COL1A1: variants seen among roughly 807,000 people sequenced by gnomAD.
COL1A1 encodes the protein collagen type I alpha 1 chain, also known as collagen alpha-1(I) chain.
In COL1A1, 21 loss-of-function variants were observed where a neutral mutation model predicts 195.7. The observed-to-expected ratio is 0.11, with a 90% CI of 0.08 to 0.15. The LOEUF (loss-of-function observed/expected upper bound fraction) is 0.15. COL1A1 is among the 10% of genes least tolerant of loss of function. The pLI is 1.00. For synonymous variants in COL1A1, 749 were observed against 747.3 expected (o/e 1.00, Z -0.04); for missense variants, 1,365 against 2,051.0 (o/e 0.67, Z 6.46).
chr17:50,187,619 G>A, intron 45 of COL1A1, 82 bp from the exon 46 acceptor site: 2 of 1,454,124 alleles, frequency 1.4e-6, no homozygotes, highest in South Asian at 2.3e-5. Flanking sequence ...GACAAGGGCA[G>A]TGTGGGCAAC....
In COL1A1 at chr17:50,185,999, A is replaced by G. The variant is rs1598284447; in HGVS notation, c.4027T>C (p.Ser1343Pro). ...GFQFEYGGQG[S>P]DPADVAIQLT... The stretch of plus-strand genomic sequence containing the variant: ...TGGATGGCCACATCGGCAGGGTCGG[A>G]GCCCTGGCCGCCATACTCGAACTGC... The change falls in exon 50 of 51, where the codon TCC becomes CCC. Residue 1343 changes from serine to proline, a missense_variant. Around this residue, in one of 5 missense-constraint regions of COL1A1, gnomAD observed 273 missense variants for 338.6 expected, o/e 0.81. Transcript: ENST00000225964. 1 of 1,612,294 alleles carries G rather than the reference A, an allele frequency of 6.2e-7. No individual in the cohort carries two copies. The highest frequency in any genetic ancestry group is 8.5e-7 in the Non-Finnish European group (1 of 1,179,834).
rs375840298 is a variant in COL1A1, at chr17:50,191,777, G to A, written c.2127+11C>T. On this transcript the variant is annotated intron_variant, in intron 31 of 50. Coordinates refer to ENST00000225964, the MANE Select transcript of COL1A1 (RefSeq NM_000088.4). ...GGCCACTTGCCAGAGCCCCTTCCAC[G>A]CTGCCCTCACCTTAGCACCATCGTT... 17 of 1,566,674 alleles carry A rather than the reference G, an allele frequency of 1.1e-5. No individual in the cohort carries two copies. The highest frequency in any genetic ancestry group is 2.3e-5 in the South Asian group (2 of 85,676).
chr17:50,190,070 A>G lies in COL1A1; in HGVS notation c.2490T>C (p.Gly830=). Residue 830 remains glycine (G), a synonymous_variant, in exon 36 of 51, where the codon GGT becomes GGC. Coordinates refer to ENST00000225964, the MANE Select transcript of COL1A1 (RefSeq NM_000088.4). The surrounding 1 kb of genome is among the most constrained non-coding windows in gnomAD (Gnocchi z 4.7). The stretch of plus-strand genomic sequence containing the variant: ...CAGCATCGCCTTTAGCACCAGCATC[A>G]CCAGGTTCGCCTTTAGCACCAGGTT... ...DGQPGAKGEP[G]DAGAKGDAGP... 4 of 1,612,568 alleles carry G rather than the reference A, an allele frequency of 2.5e-6. No homozygotes were observed. The highest frequency in any genetic ancestry group is 3.4e-6 in the Non-Finnish European group (4 of 1,179,618).
At position 50,199,855 on chromosome 17, in the gene COL1A1, C is replaced by T. The variant is rs1240249424; in HGVS notation, c.196G>A (p.Gly66Ser). 2 of 1,614,178 alleles carry T rather than the reference C, an allele frequency of 1.2e-6. No homozygotes were observed. The highest frequency in any genetic ancestry group is 1.1e-5 in the South Asian group (1 of 91,082). The change falls in exon 2 of 51, where the codon GGC becomes AGC. Residue 66 changes from glycine to serine, a missense_variant. By Grantham distance (56) the Gly-to-Ser change is moderately conservative. Around this residue, in one of 5 missense-constraint regions of COL1A1, gnomAD observed 194 missense variants for 221.7 expected, o/e 0.88. Coordinates refer to ENST00000225964, the MANE Select transcript of COL1A1 (RefSeq NM_000088.4). ...EPCRICVCDN[G>S]KVLCDDVICD... ...ATCACGTCATCGCACAACACCTTGC[C>T]GTTGTCGCAGACGCAGATCCGGCAG...
rs886053154 is a variant in COL1A1 at position 50,185,250 on chromosome 17, AT to A, written c.*251del. On this transcript the variant is annotated 3_prime_UTR_variant, in exon 51 of 51. Coordinates refer to ENST00000225964, the MANE Select transcript of COL1A1 (RefSeq NM_000088.4). ...AGCTTCCTTTTTTAAAAAGTTATTT[AT>A]TTATTCTTTTTTTTTTTTTTTTTTT... 2 of 341,342 alleles carry A rather than the reference AT, an allele frequency of 5.9e-6. No individual in the cohort carries two copies. The highest frequency in any genetic ancestry group is 8.8e-5 in the African/African-American group (2 of 22,748). The allele number at this position is 341,342 out of a possible 1,614,324, so 21.1% of individuals were successfully genotyped here. A position where few individuals can be genotyped will look rare whatever the true frequency, so the allele number is the denominator to read the frequency against.
In COL1A1 at chr17:50,185,654, G is replaced by A. The variant is rs1906437070; in HGVS notation, c.4249-6C>T. Reference sequence around the variant, plus strand: ...CCCCAGGCTCCGGTGTGACTCTGGGGTGGGGCGGAGACAACGGGAGGGGGC... The same window carrying A: ...CCCCAGGCTCCGGTGTGACTCTGGGATGGGGCGGAGACAACGGGAGGGGGC... On this transcript the variant is annotated splice_region_variant and splice_polypyrimidine_tract_variant and intron_variant, in intron 50 of 50. Coordinates refer to ENST00000225964, the MANE Select transcript of COL1A1 (RefSeq NM_000088.4). 6.2e-7 allele frequency: 1 copy of A among 1,613,454 alleles called. No individual in the cohort carries two copies.
chr17:50,196,586 G>A (rs373725675), intron 12 of COL1A1, 31 bp downstream of exon 12: 6 of 1,613,994 alleles, frequency 3.7e-6, no homozygotes, highest in South Asian at 1.1e-5. Context: ...CTGGGGATGT[G>A]GAGGACCATG....
At position 50,197,930 on chromosome 17, in the gene COL1A1, C is replaced by G. The variant is rs1331207381; in HGVS notation, c.642+19G>C. ...GTGTGTTTGTAGAAGGAGTATGAAT[C>G]TGTATAGAGAGTGCTTACTGAAGCT... is the stretch of plus-strand genomic sequence containing the variant. On this transcript the variant is annotated intron_variant, in intron 8 of 50. Coordinates refer to ENST00000225964, the MANE Select transcript of COL1A1 (RefSeq NM_000088.4). 4 of 1,613,374 alleles carry G rather than the reference C, an allele frequency of 2.5e-6. No individual in the cohort carries two copies. Among genetic ancestry groups the G allele is most frequent in the Admixed American group, 1.7e-5 (1 of 59,994 alleles).
At chr17:50,192,719 C>A (rs781543878) in intron 27 of COL1A1, 26 bp from the exon 28 acceptor site, 2 of 1,613,884 alleles carry the variant, frequency 1.2e-6, no homozygotes, top group Non-Finnish European at 1.7e-6. Flanking sequence ...ACTACAGTCA[C>A]GGGGAGGCCG....
chr17:50,194,516 GGAA>G lies in COL1A1; in HGVS notation c.1515+54_1515+56del. On this transcript the variant is annotated intron_variant, in intron 22 of 50. Coordinates refer to ENST00000225964, the MANE Select transcript of COL1A1 (RefSeq NM_000088.4). This position sits in a 1 kb window ranked among gnomAD's most constrained non-coding sequence, Gnocchi z 6.8. ...TGGCTCTTTGCCACGGGCCAAAAGA[GGAA>G]GAAGATGCCCAGGGAGCGGCAGGGT... The G allele has an allele frequency of 1.2e-6, 2 of 1,612,794 alleles. No individual in the cohort carries two copies. The highest frequency in any genetic ancestry group is 2.2e-5 in the South Asian group (2 of 91,030).
At chr17:50,200,243 A>G in intron 1 of COL1A1, 1 of 470,748 alleles carries the variant, frequency 2.1e-6, no homozygotes, top group Non-Finnish European at 3.9e-6. Flanking sequence ...CAAGTGAAAT[A>G]AAAACCACAG....
chr17:50,191,557 C>A, intron 31 of COL1A1, 67 bp from the exon 32 acceptor site: 1 of 1,434,206 alleles, frequency 7.0e-7, no homozygotes, highest in Admixed American at 1.7e-5. Context: ...GCCCTAAGCC[C>A]CGCTTGGTAT....
rs770506745 is a variant in COL1A1, at chr17:50,192,486, G to A, written c.1972C>T (p.Pro658Ser). 2 of 1,612,830 alleles carry A rather than the reference G, an allele frequency of 1.2e-6. No individual in the cohort carries two copies. Among genetic ancestry groups the A allele is most frequent in the Admixed American group, 3.3e-5 (2 of 59,802 alleles). The change falls in exon 29 of 51, where the codon CCT becomes TCT. Residue 658 changes from proline (P) to serine (S), a missense_variant. Coordinates refer to ENST00000225964, the MANE Select transcript of COL1A1 (RefSeq NM_000088.4). ...CTGCTCCCTCTTACCTGTTCACCAG[G>A]TTTGCCTGCTTCACCTGGAGGACCA... is the stretch of plus-strand genomic sequence containing the variant. ...PAGPPGEAGK[P>S]GEQGVPGDLG...
intron 9 of COL1A1, among the ~76,000 whole-genome samples, 170 bp downstream of exon 9, chr17:50,197,562 A>C (rs1012481046): frequency 6.6e-6 from 1 of 152,184 alleles, no homozygotes; most frequent in Non-Finnish European, 1.5e-5. Flanking sequence ...GGGGACATGG[A>C]ATCATCTCAC....
At position 50,192,701 on chromosome 17, in the gene COL1A1, G is replaced by A. The variant is rs1329959391; in HGVS notation, c.1876-8C>T. ...TCTCTCGCCAGCGGGACCCTGCACA[G>A]AGAGAACACTACAGTCACGGGGAGG... On this transcript the variant is annotated splice_polypyrimidine_tract_variant and splice_region_variant and intron_variant, in intron 27 of 50. Coordinates refer to ENST00000225964, the MANE Select transcript of COL1A1 (RefSeq NM_000088.4). 5.0e-6 allele frequency: 8 copies of A among 1,614,042 alleles called. No homozygotes were observed. Among genetic ancestry groups the A allele is most frequent in the Non-Finnish European group, 6.8e-6 (8 of 1,180,028 alleles).
At position 50,192,636 on chromosome 17, in the gene COL1A1, T is replaced by G. The variant is rs376244140; in HGVS notation, c.1929+4A>C. On this transcript the variant is annotated splice_donor_region_variant and intron_variant, in intron 28 of 50. Coordinates refer to ENST00000225964, the MANE Select transcript of COL1A1 (RefSeq NM_000088.4). The stretch of plus-strand genomic sequence containing the variant: ...CCAGCATCCTGACAGCCATGAGGCC[T>G]CACCTGGAATCCGGGGGAGCCAGCA... 1.4e-5 allele frequency: 22 copies of G among 1,614,080 alleles called. No individual in the cohort carries two copies. The highest frequency in any genetic ancestry group is 1.7e-5 in the Non-Finnish European group (20 of 1,180,038).
rs1164317349 is a variant in COL1A1 at position 50,194,191 on chromosome 17, G to T, written c.1615-8C>A. On this transcript the variant is annotated splice_region_variant and splice_polypyrimidine_tract_variant and intron_variant, in intron 23 of 50. Coordinates refer to ENST00000225964, the MANE Select transcript of COL1A1 (RefSeq NM_000088.4). The surrounding 1 kb of genome is among the most constrained non-coding windows in gnomAD (Gnocchi z 6.8). Reference sequence around the variant, plus strand: ...AGGGCTTCCAGTCAGACCCTAGGGAGGCAGAGAGGTATGAGTGGGACTTGG... The same window carrying T: ...AGGGCTTCCAGTCAGACCCTAGGGATGCAGAGAGGTATGAGTGGGACTTGG... 1 of 1,613,538 alleles carries T rather than the reference G, an allele frequency of 6.2e-7. No individual in the cohort carries two copies. The highest frequency in any genetic ancestry group is 1.1e-5 in the South Asian group (1 of 91,046).
Position 50,189,881 on chromosome 17 carries a change from G to C in COL1A1, c.2591C>G (p.Ala864Gly). 6.2e-7 allele frequency: 1 copy of C among 1,611,450 alleles called. No homozygotes were observed. The highest frequency in any genetic ancestry group is 1.1e-5 in the South Asian group (1 of 90,790). ...GNVGAPGAKG[A>G]RGSAGPPGAT... ...CACAGGGGGACCAGCGCTGCCGCGA[G>C]CACCTTTGGCTCCAGGAGCACCAAC... The change falls in exon 37 of 51, where the codon GCT (alanine) becomes GGT (glycine). Residue 864 changes from alanine to glycine, a missense_variant. Physicochemically the swap from Ala to Gly is moderately conservative, Grantham distance 60. Coordinates refer to ENST00000225964, the MANE Select transcript of COL1A1 (RefSeq NM_000088.4). This position sits in a 1 kb window ranked among gnomAD's most constrained non-coding sequence, Gnocchi z 5.5.
Position 50,191,811 on chromosome 17 carries a change from C to T in COL1A1, c.2104G>A (p.Ala702Thr). The change falls in exon 31 of 51, where the codon GCT becomes ACT. Residue 702 changes from alanine (A) to threonine (T), a missense_variant. Ala to Thr is a moderately conservative substitution (Grantham distance 58). Transcript: ENST00000225964. Reference protein sequence around the residue: ...GPAGPRGANGAPGNDGAKGDA... With the variant: ...GPAGPRGANGTPGNDGAKGDA... ...ACCTTAGCACCATCGTTGCCGGGAG[C>T]ACCGTTGGCCCCTCGGGGACCAGCA... 1 of 1,595,250 alleles carries T rather than the reference C, an allele frequency of 6.3e-7. No homozygotes were observed. Among genetic ancestry groups the T allele is most frequent in the Non-Finnish European group, 8.5e-7 (1 of 1,170,076 alleles).
Sources: gnomAD v4.1 joint callset for allele counts (sites outside exome capture counted in the v4.1 genomes callset) on GRCh38, gnomAD v4.1.1 for gene constraint, gnomAD v4.1.1 regional missense constraint, Gnocchi (gnomAD v3.1) non-coding constraint, MANE v1.5 for transcripts, NCBI Gene and HGNC (gene_info 2026-07-23, HGNC 2026-07-21) for gene names.